Variants in DPH6 observed in about 807,000 individuals in gnomAD.
The protein encoded by DPH6 is diphthine--ammonia ligase.
In DPH6, 33 loss-of-function variants were observed where a neutral mutation model predicts 38.2. That is an observed-to-expected ratio of 0.86 (90% CI 0.65 to 1.15). The LOEUF (loss-of-function observed/expected upper bound fraction) is 1.15. Among genes scored for constraint, DPH6 ranks in the 50% most tolerant of loss-of-function variants. The pLI, the probability that DPH6 is intolerant of heterozygous loss-of-function variation, is 0.00. For missense variants in DPH6, 325 were observed against 320.0 expected (o/e 1.02, Z -0.12); for synonymous variants, 108 against 103.0 (o/e 1.05, Z -0.30).
At chr15:35,542,745 A>C (rs956084028) in intron 1 of DPH6, among the ~76,000 whole-genome samples, 4 of 150,712 alleles carry the variant, frequency 2.7e-5, no homozygotes, top group Non-Finnish European at 5.9e-5. Context: ...TTCTAAACAA[A>C]ATATGGTAAC....
chr15:35,327,014 C>A (rs1307490673), downstream of DPH6, among the ~76,000 whole-genome samples: 1 of 152,068 alleles, frequency 6.6e-6, no homozygotes, highest in Non-Finnish European at 1.5e-5. Context: ...CCAGGAAAGA[C>A]CTTGCTGAGA....
intron 5 of DPH6, among the ~76,000 whole-genome samples, chr15:35,436,067 G>T (rs544869129): frequency 6.6e-6 from 1 of 152,040 alleles, no homozygotes; most frequent in East Asian, 2.0e-4. Context: ...GCAGTCTCAG[G>T]GGCCAGAGGC....
chr15:35,535,174 C>T (rs1049078435), intron 3 of DPH6, among the ~76,000 whole-genome samples: 2 of 152,084 alleles, frequency 1.3e-5, no homozygotes, highest in Non-Finnish European at 2.9e-5. Context: ...CATTTCAGTA[C>T]ACCAAGCATA....
intron 3 of DPH6, among the ~76,000 whole-genome samples, chr15:35,461,870 T>C (rs2054070973): frequency 6.6e-6 from 1 of 152,140 alleles, no homozygotes; most frequent in Admixed American, 6.5e-5. Context: ...AGCTATATTT[T>C]CCCCCTAAAA....
At chr15:35,545,951 T>G (rs116251882) in intron 1 of DPH6, among the ~76,000 whole-genome samples, 168 bp downstream of exon 1, 1 of 149,160 alleles carries the variant, frequency 6.7e-6, no homozygotes, top group Non-Finnish European at 1.5e-5. Context: ...CCGAGGCACA[T>G]GCGGGCCGGC....
At chr15:35,342,417 A>G (rs1456621727) in intron 3 of DPH6, among the ~76,000 whole-genome samples, 1 of 152,212 alleles carries the variant, frequency 6.6e-6, no homozygotes, top group Non-Finnish European at 1.5e-5. Flanking sequence ...TAGGGGTGGC[A>G]GTTCCTTTGG....
chr15:35,473,951 T>TGC (rs1313786184), intron 3 of DPH6, among the ~76,000 whole-genome samples: 2 of 28,042 alleles, frequency 7.1e-5, no homozygotes, highest in African/African-American at 1.0e-4. Flanking sequence ...TGTGTGTGTG[T>TGC]GTGTGTGCGC....
chr15:35,240,708 C>A lies in DPH6; in HGVS notation n.201-20126G>T, dbSNP rs186884016. 3.5e-4 allele frequency among the ~76,000 whole-genome samples: 50 copies of A among 143,832 alleles called. 10 individuals are homozygous for A. Among genetic ancestry groups the A allele is most frequent in the Admixed American group, 3.3e-3 (44 of 13,300 alleles). 94.4% of individuals were successfully genotyped at this position (143,832 alleles called of 152,430 possible). On this transcript the variant is annotated intron_variant and non_coding_transcript_variant, in intron 3 of 3. Coordinates refer to the DPH6 transcript ENST00000560386. The stretch of plus-strand genomic sequence containing the variant: ...TTCTTCATCAAATATAAAAACCCAG[C>A]CCAGTTCATGGCTCGTTCGGCAGCA...
intron 6 of DPH6, among the ~76,000 whole-genome samples, chr15:35,404,225 T>C (rs1319579634): frequency 6.6e-6 from 1 of 152,178 alleles, no homozygotes; most frequent in African/African-American, 2.4e-5. Flanking sequence ...TGATTTCCTT[T>C]CTTTTGGGTA....
At chr15:35,288,113 T>C (rs2051955853) in intron 3 of DPH6, among the ~76,000 whole-genome samples, 1 of 152,206 alleles carries the variant, frequency 6.6e-6, no homozygotes, top group Non-Finnish European at 1.5e-5. Context: ...TACAGTGTCA[T>C]GTTCATTTTG....
intron 3 of DPH6, among the ~76,000 whole-genome samples, chr15:35,255,689 T>C (rs1310670792): frequency 3.3e-5 from 5 of 152,232 alleles, no homozygotes; most frequent in African/African-American, 1.2e-4. Flanking sequence ...AGTTTACTCA[T>C]AGAGCCTTTA....
chr15:35,426,882 A>G (rs1263508472), intron 5 of DPH6, among the ~76,000 whole-genome samples: 2 of 151,402 alleles, frequency 1.3e-5, no homozygotes, highest in African/African-American at 2.4e-5. Context: ...AAAAAAAACA[A>G]CCTTGAAACA....
At chr15:35,482,533 G>A (rs953331358) in intron 3 of DPH6, among the ~76,000 whole-genome samples, 4 of 152,158 alleles carry the variant, frequency 2.6e-5, no homozygotes, top group African/African-American at 7.2e-5. Flanking sequence ...AGAATTTAAA[G>A]TCTAGAAATA....
the DPH6 span, among the ~76,000 whole-genome samples, chr15:35,204,754 C>G: frequency 1.3e-5 from 2 of 151,814 alleles, no homozygotes. Flanking sequence ...ATAGTCTCTC[C>G]CAACATACAA....
chr15:35,460,898 A>C (rs1595384390), intron 3 of DPH6, among the ~76,000 whole-genome samples: 1 of 92,136 alleles, frequency 1.1e-5, no homozygotes, highest in East Asian at 3.3e-4. Flanking sequence ...ATACTCACAA[A>C]CTGGTAAAAA....
At chr15:35,382,653 C>G (rs910998625) in intron 6 of DPH6, among the ~76,000 whole-genome samples, 2 of 151,996 alleles carry the variant, frequency 1.3e-5, no homozygotes, top group African/African-American at 2.4e-5. Context: ...ACAGAAAAAG[C>G]AATATAAGGC....
chr15:35,487,947 A>T (rs2054427030), intron 3 of DPH6, among the ~76,000 whole-genome samples: 1 of 152,152 alleles, frequency 6.6e-6, no homozygotes, highest in East Asian at 1.9e-4. Flanking sequence ...GTTGCTTAGA[A>T]ATTTCTTCTG....
In DPH6 at chr15:35,246,397, G is replaced by A. The variant is rs949667436; in HGVS notation, n.201-25815C>T. 5.3e-5 allele frequency among the ~76,000 whole-genome samples: 8 copies of A among 152,142 alleles called. No homozygotes were observed. In the South Asian group the frequency reaches 6.2e-4, roughly 12 times the overall value. ...ATTTTGTTTTTCCACATATTCTTAC[G>A]GAGGATGACACATCCAAATGATAAT... On this transcript the variant is annotated intron_variant and non_coding_transcript_variant, in intron 3 of 3. Transcript: ENST00000560386.
At chr15:35,388,600 T>G (rs1295285637) in intron 6 of DPH6, among the ~76,000 whole-genome samples, 3 of 152,244 alleles carry the variant, frequency 2.0e-5, no homozygotes, top group Non-Finnish European at 4.4e-5. Flanking sequence ...ATTTATCCAT[T>G]TCTTCTAGAT....
Sources: gnomAD v4.1 joint callset for allele counts (sites outside exome capture counted in the v4.1 genomes callset) on GRCh38, gnomAD v4.1.1 for gene constraint, MANE v1.5 for transcripts, NCBI Gene and HGNC (gene_info 2026-07-23, HGNC 2026-07-21) for gene names.